OR9Q1: variants seen among roughly 807,000 people sequenced by gnomAD.
The protein encoded by OR9Q1 is olfactory receptor family 9 subfamily Q member 1.
For synonymous variants in OR9Q1, 153 were observed against 148.6 expected, an observed-to-expected ratio of 1.03 and a Z score of -0.22; for missense variants, 374 against 378.8, an observed-to-expected ratio of 0.99 and a Z score of 0.11.
At chr11:58,135,450 G>A (rs1234697537) in intron 2 of OR9Q1, among the ~76,000 whole-genome samples, 1 of 152,146 alleles carries the variant, frequency 6.6e-6, no homozygotes, top group African/African-American at 2.4e-5. Flanking sequence ...AGTCCACCCT[G>A]ACACATTGAA....
intron 1 of OR9Q1, chr11:58,031,944 T>C: frequency 8.2e-7 from 1 of 1,221,502 alleles, no homozygotes; most frequent in Non-Finnish European, 1.2e-6. Context: ...GCCTTGGATA[T>C]TTAAAAACAG....
chr11:58,043,949 A>C (rs1853191448), intron 1 of OR9Q1, among the ~76,000 whole-genome samples: 1 of 152,198 alleles, frequency 6.6e-6, no homozygotes, highest in Non-Finnish European at 1.5e-5. Context: ...TGCACCCAGC[A>C]CAGTGGTTGT....
intron 2 of OR9Q1, among the ~76,000 whole-genome samples, chr11:58,129,295 C>T (rs1437150524): frequency 1.3e-5 from 2 of 151,870 alleles, no homozygotes; most frequent in East Asian, 1.9e-4. Flanking sequence ...CTAGCACTAC[C>T]TCTCCTGGTG....
At chr11:58,074,959 G>T (rs1227226702) in intron 2 of OR9Q1, among the ~76,000 whole-genome samples, 2 of 152,040 alleles carry the variant, frequency 1.3e-5, no homozygotes, top group African/African-American at 4.8e-5. Flanking sequence ...TGTTCCTTTG[G>T]TCTGTATATC....
chr11:58,036,608 G>A (rs1461699329), intron 1 of OR9Q1, among the ~76,000 whole-genome samples: 1 of 152,208 alleles, frequency 6.6e-6, no homozygotes, highest in Non-Finnish European at 1.5e-5. Context: ...CTCATGGGAG[G>A]AGGTCAAAAT....
intron 2 of OR9Q1, among the ~76,000 whole-genome samples, chr11:58,132,451 A>G (rs1204283095): frequency 1.3e-5 from 2 of 152,224 alleles, no homozygotes; most frequent in East Asian, 1.9e-4. Flanking sequence ...TAAAAATAGT[A>G]TCTACCCTAT....
At chr11:58,132,961 C>T (rs1213906023) in intron 2 of OR9Q1, among the ~76,000 whole-genome samples, 2 of 152,238 alleles carry the variant, frequency 1.3e-5, no homozygotes, top group Non-Finnish European at 2.9e-5. Context: ...CCTATTAATC[C>T]AGCTCCCCTG....
At chr11:58,025,108 C>A (rs922162714) in intron 1 of OR9Q1, among the ~76,000 whole-genome samples, 9 of 152,140 alleles carry the variant, frequency 5.9e-5, no homozygotes, top group Non-Finnish European at 1.0e-4. Context: ...GATCATAGTA[C>A]AATATTGTGG....
intron 2 of OR9Q1, among the ~76,000 whole-genome samples, chr11:58,112,399 T>C (rs1253226424): frequency 1.3e-5 from 2 of 152,214 alleles, no homozygotes; most frequent in Non-Finnish European, 2.9e-5. Context: ...GATTTCTAAA[T>C]AATCATATGC....
chr11:58,130,247 G>A (rs1854127732), intron 2 of OR9Q1, among the ~76,000 whole-genome samples: 1 of 151,992 alleles, frequency 6.6e-6, no homozygotes, highest in South Asian at 2.1e-4. Flanking sequence ...AAATATAAGA[G>A]TGCTGAGTTT....
chr11:58,174,662 TA>T (rs557326575), intron 2 of OR9Q1, among the ~76,000 whole-genome samples: 3 of 147,048 alleles, frequency 2.0e-5, no homozygotes, highest in South Asian at 2.2e-4. Context: ...TGTTAGAAGT[TA>T]AAAAAAAATA....
chr11:58,076,675 C>T (rs993698869), intron 2 of OR9Q1, among the ~76,000 whole-genome samples: 5 of 152,068 alleles, frequency 3.3e-5, no homozygotes, highest in African/African-American at 4.8e-5. Context: ...TTTATAGAGA[C>T]GAGGTCTCAC....
rs201016650 is a variant in OR9Q1, at chr11:58,180,150, A to T, written c.706A>T (p.Thr236Ser). ...MGIPAGSQAK[T>S]FSTCTSHLTA... is the part of the protein sequence containing the mutation. ...GATCCCTGCTGGAAGCCAGGCCAAG[A>T]CCTTCTCCACCTGCACCTCCCACCT... Residue 236 changes from threonine to serine, a missense_variant, in exon 3 of 3, where the codon ACC (threonine) becomes TCC (serine). By Grantham distance (58) the Thr-to-Ser change is moderately conservative. Transcript: ENST00000335397. The T allele has an allele frequency of 6.2e-7, 1 of 1,613,826 alleles. No homozygotes were observed. The highest frequency in any genetic ancestry group is 2.2e-5 in the East Asian group (1 of 44,858).
chr11:58,161,071 A>G (rs1283929690), intron 2 of OR9Q1, among the ~76,000 whole-genome samples: 3 of 150,030 alleles, frequency 2.0e-5, no homozygotes, highest in Non-Finnish European at 4.4e-5. Flanking sequence ...AGGGCGGGGA[A>G]CATCACACAC....
At chr11:58,027,425 T>C (rs1852986307) in intron 1 of OR9Q1, among the ~76,000 whole-genome samples, 1 of 152,200 alleles carries the variant, frequency 6.6e-6, no homozygotes, top group Non-Finnish European at 1.5e-5. Context: ...GTAGCCTGTT[T>C]GTGTATGGAC....
chr11:58,111,789 C>A (rs1161681611), intron 2 of OR9Q1, among the ~76,000 whole-genome samples: 1 of 152,112 alleles, frequency 6.6e-6, no homozygotes, highest in African/African-American at 2.4e-5. Flanking sequence ...GTATAGACAT[C>A]TTGAATTCTC....
At chr11:58,178,505 A>G (rs532094288) in intron 2 of OR9Q1, among the ~76,000 whole-genome samples, 1 of 152,316 alleles carries the variant, frequency 6.6e-6, no homozygotes, top group South Asian at 2.1e-4. Flanking sequence ...AAGGAGAATA[A>G]TTAGTTCCAC....
intron 2 of OR9Q1, among the ~76,000 whole-genome samples, chr11:58,068,336 A>G (rs1853450085): frequency 6.7e-6 from 1 of 148,548 alleles, no homozygotes; most frequent in African/African-American, 2.5e-5. Flanking sequence ...ACAGAGTGAG[A>G]CTCTGTCTCA....
intron 2 of OR9Q1, among the ~76,000 whole-genome samples, chr11:58,155,877 A>C (rs374583470): frequency 4.0e-5 from 6 of 151,016 alleles, no homozygotes; most frequent in Admixed American, 2.6e-4. Flanking sequence ...TAATTTTGGC[A>C]TATGAAATGG....
Sources: gnomAD v4.1 joint callset for allele counts (sites outside exome capture counted in the v4.1 genomes callset) on GRCh38, gnomAD v4.1.1 for gene constraint, MANE v1.5 for transcripts, NCBI Gene and HGNC (gene_info 2026-07-23, HGNC 2026-07-21) for gene names.